The following DPY19L1 variants were observed in gnomAD, a reference collection of about 807,000 sequenced individuals.
The protein encoded by DPY19L1 is dpy-19 like C-mannosyltransferase 1, also known as protein C-mannosyl-transferase DPY19L1.
A neutral mutation model predicts 96.9 loss-of-function variants in DPY19L1; 35 were observed. The observed-to-expected ratio is 0.36, with a 90% CI of 0.28 to 0.48. The LOEUF is 0.48. DPY19L1 is among the 20% of genes least tolerant of loss of function. The pLI, the probability that DPY19L1 is intolerant of heterozygous loss-of-function variation, is 0.99. For missense variants in DPY19L1, 521 were observed against 777.9 expected, an observed-to-expected ratio of 0.67 and a Z score of 3.93; for synonymous variants, 205 against 252.6, an observed-to-expected ratio of 0.81 and a Z score of 1.79.
At chr7:34,951,738 T>C (rs531223044) in intron 13 of DPY19L1, among the ~76,000 whole-genome samples, 16 of 151,914 alleles carry the variant, frequency 1.1e-4, no homozygotes, top group African/African-American at 3.6e-4. Flanking sequence ...TAAAAAAAGA[T>C]ATAACTTTAA....
At chr7:34,981,323 C>G (rs186579526) in intron 7 of DPY19L1, among the ~76,000 whole-genome samples, 1 of 151,936 alleles carries the variant, frequency 6.6e-6, no homozygotes, top group Non-Finnish European at 1.5e-5. Context: ...TTATAGAACA[C>G]CATTAAATGT....
rs185487923 is a variant in DPY19L1 at position 34,945,023 on chromosome 7, T to C, written c.1544+644A>G. Among the ~76,000 whole-genome samples, 7 of 152,180 alleles carry C rather than the reference T, an allele frequency of 4.6e-5. No individual in the cohort carries two copies. The East Asian group carries it at 1.2e-3, about 25-fold the overall frequency. ...AGTCATATGTAAATACTCATTCAAC[T>C]ACTATCCTTTACTATCTTGCAGGCA... On this transcript the variant is annotated intron_variant, in intron 16 of 21. Transcript: ENST00000638088.
At chr7:34,987,897 A>G (rs758446373) in intron 7 of DPY19L1, 4 of 152,088 alleles carry the variant, frequency 2.6e-5, no homozygotes, top group Non-Finnish European at 4.4e-5. Context: ...AAGTAATTTT[A>G]CATGTAAGTA....
In DPY19L1 at chr7:35,010,494, T is replaced by C. The variant is rs369959791; in HGVS notation, c.738A>G (p.Leu246=). The part of the protein sequence containing the change: ...IFILNGLMMA[L]FFIYGTYLSG... ...TTAAATATGTGCCATATATGAAGAA[T>C]AATGCCATCATTAGTCCATTTAAAA... The change falls in exon 6 of 22, where the codon TTA becomes TTG. Residue 246 remains leucine, a synonymous_variant. Transcript: ENST00000638088. The C allele has an allele frequency of 3.1e-6, 5 of 1,603,138 alleles. No homozygotes were observed. In the African/African-American group the frequency reaches 6.7e-5, roughly 21 times the overall value.
In DPY19L1 at chr7:34,961,991, T is replaced by G. The variant is rs183006814; in HGVS notation, c.1093-3921A>C. ...TGGAGCAGCAGGAACTCTCATTTAT[T>G]GCTGGTGGTAATGCAAAATGGTATG... On this transcript the variant is annotated intron_variant, in intron 10 of 21. Transcript: ENST00000638088. Among the ~76,000 whole-genome samples the G allele has an allele frequency of 1.5e-3, 233 of 152,332 alleles. 3 individuals carry two copies. The highest frequency in any genetic ancestry group is 2.2e-3 in the Non-Finnish European group (152 of 68,024).
intron 1 of DPY19L1, among the ~76,000 whole-genome samples, chr7:35,019,314 G>A (rs1304460993): frequency 6.6e-6 from 1 of 152,140 alleles, no homozygotes; most frequent in Admixed American, 6.5e-5. Flanking sequence ...AGTGGCACAT[G>A]CCTGTAGTAT....
intron 13 of DPY19L1, among the ~76,000 whole-genome samples, chr7:34,951,692 G>C (rs1328581608): frequency 6.6e-6 from 1 of 151,560 alleles, no homozygotes; most frequent in Non-Finnish European, 1.5e-5. Flanking sequence ...GACAGGAATT[G>C]GTGACAAAGA....
At chr7:34,958,442 T>C (rs1321267331) in intron 10 of DPY19L1, among the ~76,000 whole-genome samples, 1 of 152,254 alleles carries the variant, frequency 6.6e-6, no homozygotes, top group South Asian at 2.1e-4. Flanking sequence ...TTCTATTCTA[T>C]AGATGTATCC....
chr7:34,996,576 C>T (rs924050263), intron 6 of DPY19L1, among the ~76,000 whole-genome samples: 3 of 152,068 alleles, frequency 2.0e-5, no homozygotes, highest in African/African-American at 4.8e-5. Flanking sequence ...AGGCTCCCAT[C>T]GTCTTCCCCT....
intron 21 of DPY19L1, among the ~76,000 whole-genome samples, chr7:34,936,473 G>T (rs1347452261): frequency 2.0e-5 from 3 of 152,150 alleles, no homozygotes; most frequent in South Asian, 2.1e-4. Context: ...TCAAGAGAGT[G>T]AAGCCCAAAG....
chr7:34,941,987 A>C (rs1784028667), intron 17 of DPY19L1, 103 bp from the exon 18 acceptor site: 3 of 1,182,570 alleles, frequency 2.5e-6, no homozygotes, highest in Non-Finnish European at 3.5e-6. Context: ...TAGTAACAAA[A>C]AATACTACTA....
chr7:34,989,143 T>G (rs1785110484), intron 7 of DPY19L1, among the ~76,000 whole-genome samples: 1 of 152,184 alleles, frequency 6.6e-6, no homozygotes, highest in Admixed American at 6.5e-5. Context: ...CCTTGAACAC[T>G]AAAATATTTT....
intron 1 of DPY19L1, among the ~76,000 whole-genome samples, chr7:35,020,259 C>T (rs1785963809): frequency 1.3e-5 from 2 of 152,198 alleles, no homozygotes; most frequent in South Asian, 2.1e-4. Flanking sequence ...TTTTATCATA[C>T]TGAAGACTTG....
chr7:34,938,245 A>C, intron 20 of DPY19L1, 126 bp from the exon 21 acceptor site: 1 of 1,099,942 alleles, frequency 9.1e-7, no homozygotes. Context: ...GAAATTCCCC[A>C]TGGAAGTTCC....
At chr7:35,037,998 A>T, upstream of DPY19L1, 1 of 1,015,772 alleles carries the variant, frequency 9.8e-7, no homozygotes, top group Non-Finnish European at 1.2e-6. Context: ...CGCAGGCGAG[A>T]CGCGGCGGGG....
chr7:34,948,069 A>G (rs1784188829), intron 14 of DPY19L1, among the ~76,000 whole-genome samples: 1 of 152,048 alleles, frequency 6.6e-6, no homozygotes. Flanking sequence ...GGATAAAAAT[A>G]TTATCCTTGA....
At chr7:34,947,549 T>C (rs1784175235) in intron 15 of DPY19L1, 81 bp downstream of exon 15, 1 of 1,164,356 alleles carries the variant, frequency 8.6e-7, no homozygotes, top group African/African-American at 1.6e-5. Flanking sequence ...ATCAGATAAA[T>C]GTGGCCAAGT....
intron 3 of DPY19L1, among the ~76,000 whole-genome samples, chr7:35,015,646 CTT>C (rs958405909): frequency 6.6e-6 from 1 of 152,230 alleles, no homozygotes. Flanking sequence ...TAATCCACCT[CTT>C]GTTTATCATA....
chr7:35,006,984 T>C (rs1226272176), intron 6 of DPY19L1, among the ~76,000 whole-genome samples: 1 of 152,196 alleles, frequency 6.6e-6, no homozygotes, highest in Non-Finnish European at 1.5e-5. Flanking sequence ...TAAAAACAAC[T>C]TTAGATACCC....
Sources: gnomAD v4.1 joint callset for allele counts (sites outside exome capture counted in the v4.1 genomes callset) on GRCh38, gnomAD v4.1.1 for gene constraint, MANE v1.5 for transcripts, NCBI Gene and HGNC (gene_info 2026-07-23, HGNC 2026-07-21) for gene names.